Variants in HACD2 observed in about 807,000 individuals in gnomAD.
The protein encoded by HACD2 is 3-hydroxyacyl-CoA dehydratase 2, also known as very-long-chain (3R)-3-hydroxyacyl-CoA dehydratase 2.
HACD2 carries 15 observed loss-of-function variants against 31.0 expected under a neutral mutation model. The ratio of observed to expected loss-of-function variants is 0.48; its 90% CI spans 0.32 to 0.75. HACD2 has a LOEUF of 0.75. HACD2 is among the 30% of genes least tolerant of loss of function. The pLI is 0.03. For missense variants in HACD2, 283 were observed against 313.0 expected (o/e 0.90, Z 0.72); for synonymous variants, 115 against 122.2 (o/e 0.94, Z 0.39).
At chr3:123,558,780 CTCA>C (rs1318152037) in intron 3 of HACD2, among the ~76,000 whole-genome samples, 1 of 152,158 alleles carries the variant, frequency 6.6e-6, no homozygotes, top group Non-Finnish European at 1.5e-5. Flanking sequence ...TAAAAGATGA[CTCA>C]AGTTTTCACT....
chr3:123,525,217 T>C (rs566528851), intron 4 of HACD2, among the ~76,000 whole-genome samples: 4 of 152,288 alleles, frequency 2.6e-5, no homozygotes, highest in African/African-American at 9.6e-5. Flanking sequence ...TTATATGGTC[T>C]CTTGGAAAGG....
chr3:123,521,905 T>A (rs556265029), intron 4 of HACD2, among the ~76,000 whole-genome samples: 1 of 151,848 alleles, frequency 6.6e-6, no homozygotes, highest in African/African-American at 2.4e-5. Context: ...TAAATCATCA[T>A]CAGGGGATAT....
At chr3:123,577,338 T>C (rs927290172) in intron 2 of HACD2, among the ~76,000 whole-genome samples, 2 of 152,064 alleles carry the variant, frequency 1.3e-5, no homozygotes, top group Non-Finnish European at 2.9e-5. Context: ...GAAAGTGTCT[T>C]TGGCCGGGCG....
intron 4 of HACD2, among the ~76,000 whole-genome samples, chr3:123,509,292 C>T (rs567442186): frequency 9.2e-5 from 14 of 151,990 alleles, no homozygotes; most frequent in African/African-American, 3.4e-4. Context: ...CACCTGAGCC[C>T]GGAAAGTTAA....
intron 3 of HACD2, among the ~76,000 whole-genome samples, chr3:123,555,254 G>T (rs767976646): frequency 1.3e-5 from 2 of 152,048 alleles, no homozygotes; most frequent in Non-Finnish European, 2.9e-5. Context: ...ACAAGAAAAA[G>T]AAATAAAAGG....
chr3:123,569,085 T>C (rs1022603244), intron 2 of HACD2, among the ~76,000 whole-genome samples: 2 of 152,038 alleles, frequency 1.3e-5, no homozygotes, highest in African/African-American at 4.8e-5. Context: ...TTTCACTCAA[T>C]TTGTGGGGGA....
At chr3:123,525,380 T>C (rs1368240183) in intron 4 of HACD2, among the ~76,000 whole-genome samples, 1 of 152,198 alleles carries the variant, frequency 6.6e-6, no homozygotes, top group Non-Finnish European at 1.5e-5. Context: ...AGCTGATGGG[T>C]AGATCCTTAC....
chr3:123,523,101 G>C (rs917544254), intron 4 of HACD2, among the ~76,000 whole-genome samples: 1 of 152,154 alleles, frequency 6.6e-6, no homozygotes, highest in African/African-American at 2.4e-5. Flanking sequence ...GCCAACCAGG[G>C]AAGTGGCCTC....
chr3:123,493,875 A>T lies in HACD2; in HGVS notation c.*1013T>A, dbSNP rs1416970306. On this transcript the variant is annotated 3_prime_UTR_variant, in exon 7 of 7. Transcript: ENST00000383657. ...TAATTAGCAAAAGTATCCAAACAGAAGAGTGAATGAAAATTTAAAAATAAA... is the reference window on the plus strand; with the variant it reads ...TAATTAGCAAAAGTATCCAAACAGATGAGTGAATGAAAATTTAAAAATAAA... 2.0e-5 allele frequency: 3 copies of T among 152,236 alleles called. No individual in the cohort carries two copies. Among genetic ancestry groups the T allele is most frequent in the African/African-American group, 7.2e-5 (3 of 41,460 alleles). The allele number at this position is 152,236 out of a possible 1,614,324, so 9.4% of individuals were successfully genotyped here.
intron 3 of HACD2, among the ~76,000 whole-genome samples, chr3:123,557,029 T>C (rs1253125115): frequency 6.6e-6 from 1 of 152,210 alleles, no homozygotes; most frequent in Non-Finnish European, 1.5e-5. Flanking sequence ...GGAGAAAATA[T>C]TTGCAAAAGA....
At chr3:123,560,247 C>A (rs1278726511) in intron 3 of HACD2, among the ~76,000 whole-genome samples, 1 of 152,214 alleles carries the variant, frequency 6.6e-6, no homozygotes, top group Non-Finnish European at 1.5e-5. Context: ...GGCTACTAAG[C>A]TGGTCTGGTC....
At chr3:123,506,761 G>A (rs1327413653) in intron 4 of HACD2, among the ~76,000 whole-genome samples, 1 of 152,086 alleles carries the variant, frequency 6.6e-6, no homozygotes, top group Non-Finnish European at 1.5e-5. Flanking sequence ...AACAACAATT[G>A]GGAACATTTT....
chr3:123,505,822 T>C (rs944892365), intron 4 of HACD2, among the ~76,000 whole-genome samples: 3 of 152,250 alleles, frequency 2.0e-5, no homozygotes, highest in Non-Finnish European at 4.4e-5. Flanking sequence ...CATATGGACA[T>C]GAGACTAGTA....
intron 4 of HACD2, among the ~76,000 whole-genome samples, chr3:123,517,004 T>C (rs1396128372): frequency 2.0e-5 from 3 of 152,226 alleles, no homozygotes; most frequent in African/African-American, 7.2e-5. Context: ...GCTTCCTCAT[T>C]TGTAAACTGG....
intron 6 of HACD2, among the ~76,000 whole-genome samples, chr3:123,497,426 G>C (rs2055847382): frequency 6.6e-6 from 1 of 152,138 alleles, no homozygotes; most frequent in Non-Finnish European, 1.5e-5. Flanking sequence ...CAGCCCTCTT[G>C]GGGCTCTCTT....
chr3:123,561,080 C>T (rs956406868), intron 3 of HACD2, among the ~76,000 whole-genome samples: 2 of 151,856 alleles, frequency 1.3e-5, no homozygotes, highest in Non-Finnish European at 2.9e-5. Flanking sequence ...CTCAAAGTAG[C>T]GGGGGGGCAG....
In HACD2 at chr3:123,546,212, G is replaced by C. The variant is rs529858846; in HGVS notation, c.293-17738C>G. On this transcript the variant is annotated intron_variant, in intron 3 of 6. Coordinates refer to ENST00000383657, the MANE Select transcript of HACD2 (RefSeq NM_198402.5). ...TCTGGATTCCAACACTAAAGATATA[G>C]AGCCGATTCATTACTTACACTGAGT... 1.6e-4 allele frequency among the ~76,000 whole-genome samples: 25 copies of C among 152,210 alleles called. No homozygotes were observed. In the South Asian group the frequency reaches 4.8e-3, roughly 29 times the overall value.
intron 4 of HACD2, among the ~76,000 whole-genome samples, chr3:123,520,639 T>A (rs550006056): frequency 2.0e-5 from 3 of 152,336 alleles, no homozygotes; most frequent in Admixed American, 1.3e-4. Flanking sequence ...TTTCCACCAC[T>A]GTATGGTACT....
At chr3:123,559,318 T>C (rs1402357713) in intron 3 of HACD2, among the ~76,000 whole-genome samples, 1 of 152,238 alleles carries the variant, frequency 6.6e-6, no homozygotes, top group Non-Finnish European at 1.5e-5. Flanking sequence ...TTCTGTATTC[T>C]GATGGGACTT....
Sources: gnomAD v4.1 joint callset for allele counts (sites outside exome capture counted in the v4.1 genomes callset) on GRCh38, gnomAD v4.1.1 for gene constraint, MANE v1.5 for transcripts, NCBI Gene and HGNC (gene_info 2026-07-23, HGNC 2026-07-21) for gene names.